FAM13A: variants seen among roughly 807,000 people sequenced by gnomAD.
The protein encoded by FAM13A is family with sequence similarity 13 member A, also known as protein FAM13A.
FAM13A carries 76 observed loss-of-function variants against 129.6 expected under a neutral mutation model. The observed-to-expected ratio is 0.59, with a 90% CI of 0.49 to 0.71. The LOEUF (loss-of-function observed/expected upper bound fraction) is 0.71, where lower values mean the gene tolerates loss of function less well. Ranked by LOEUF, FAM13A falls within the 30% of genes least tolerant of loss-of-function variation. FAM13A has a pLI of 0.00. For missense variants in FAM13A, 1,108 were observed against 1,249.3 expected, an observed-to-expected ratio of 0.89 and a Z score of 1.70; for synonymous variants, 443 against 449.9, an observed-to-expected ratio of 0.98 and a Z score of 0.20.
intron 8 of FAM13A, among the ~76,000 whole-genome samples, chr4:88,792,698 G>A (rs1363449649): frequency 6.6e-6 from 1 of 152,020 alleles, no homozygotes; most frequent in African/African-American, 2.4e-5. Flanking sequence ...AGTAAAGAAT[G>A]TGGATCTGCT....
chr4:88,941,950 T>C (rs1021329175), intron 4 of FAM13A, among the ~76,000 whole-genome samples: 1 of 152,112 alleles, frequency 6.6e-6, no homozygotes, highest in African/African-American at 2.4e-5. Flanking sequence ...TTTCTTCTTT[T>C]CTTGTGTGCT....
At chr4:88,984,072 T>C (rs542496706) in intron 4 of FAM13A, among the ~76,000 whole-genome samples, 1 of 152,272 alleles carries the variant, frequency 6.6e-6, no homozygotes, top group East Asian at 1.9e-4. Flanking sequence ...CTTCAACAAA[T>C]GATGCTGGGA....
chr4:88,916,108 C>T (rs1017173502), intron 5 of FAM13A, among the ~76,000 whole-genome samples: 3 of 151,746 alleles, frequency 2.0e-5, no homozygotes, highest in Admixed American at 2.0e-4. Flanking sequence ...TATGTGATGC[C>T]CTGTACCACC....
rs144141989 is a variant in FAM13A at position 88,863,010 on chromosome 4, A to ATATACATATATATATATATG, written c.844-11828_844-11827insCATATATATATATATGTATA. 3.1e-4 allele frequency among the ~76,000 whole-genome samples: 47 copies of ATATACATATATATATATATG among 150,742 alleles called. No homozygotes were observed. In the South Asian group the frequency reaches 4.2e-3, roughly 13 times the overall value. Reference sequence around the variant, plus strand: ...AAAGATGGGTGTGACAAATATATACATATATATTTGGTCTTAGTCCCTGGT... The same window carrying ATATACATATATATATATATG: ...AAAGATGGGTGTGACAAATATATACATATACATATATATATATATGTATATATTTGGTCTTAGTCCCTGGT... On this transcript the variant is annotated intron_variant, in intron 6 of 23. Coordinates refer to ENST00000264344, the MANE Select transcript of FAM13A (RefSeq NM_014883.4).
chr4:88,974,777 G>T (rs778652480), intron 4 of FAM13A, among the ~76,000 whole-genome samples: 2 of 152,196 alleles, frequency 1.3e-5, no homozygotes, highest in Non-Finnish European at 2.9e-5. Flanking sequence ...AAGAGATGAA[G>T]AGAGCTTGGG....
At chr4:88,863,492 G>A (rs1395586690) in intron 6 of FAM13A, among the ~76,000 whole-genome samples, 3 of 152,174 alleles carry the variant, frequency 2.0e-5, no homozygotes, top group African/African-American at 7.2e-5. Context: ...TAAGTTCTGT[G>A]AACTGTTCTA....
intron 6 of FAM13A, among the ~76,000 whole-genome samples, chr4:88,868,102 A>C (rs1453011412): frequency 1.3e-5 from 2 of 152,196 alleles, no homozygotes; most frequent in Non-Finnish European, 2.9e-5. Flanking sequence ...ATCTGCAGGC[A>C]GTTTTTCATT....
intron 5 of FAM13A, among the ~76,000 whole-genome samples, chr4:88,909,074 G>C (rs185121732): frequency 6.6e-6 from 1 of 152,210 alleles, no homozygotes; most frequent in Non-Finnish European, 1.5e-5. Context: ...TCTTTATAAA[G>C]CCATTTATAT....
At chr4:88,783,608 A>C (rs1723393861) in intron 10 of FAM13A, among the ~76,000 whole-genome samples, 1 of 152,170 alleles carries the variant, frequency 6.6e-6, no homozygotes, top group Non-Finnish European at 1.5e-5. Context: ...TAAATGGAGG[A>C]TCTTTAATGC....
intron 4 of FAM13A, among the ~76,000 whole-genome samples, chr4:88,974,927 A>G (rs1317735509): frequency 6.6e-6 from 1 of 152,130 alleles, no homozygotes; most frequent in Admixed American, 6.5e-5. Context: ...ACTTATCACA[A>G]CTGTAATTCA....
At chr4:88,803,688 G>C (rs1727996965) in intron 8 of FAM13A, among the ~76,000 whole-genome samples, 1 of 152,162 alleles carries the variant, frequency 6.6e-6, no homozygotes. Context: ...CAGGAAACCA[G>C]GATGAAAAAA....
chr4:88,956,867 A>AAAT (rs1388157812), intron 4 of FAM13A, among the ~76,000 whole-genome samples: 14 of 152,118 alleles, frequency 9.2e-5, no homozygotes, highest in African/African-American at 3.4e-4. Flanking sequence ...TACAGTTTGG[A>AAAT]TTGTCCCCGC....
At chr4:89,007,702 C>G (rs1178096904) in intron 3 of FAM13A, among the ~76,000 whole-genome samples, 1 of 152,206 alleles carries the variant, frequency 6.6e-6, no homozygotes, top group African/African-American at 2.4e-5. Flanking sequence ...CTTGGCCATA[C>G]TAATGCAGAG....
intron 5 of FAM13A, among the ~76,000 whole-genome samples, chr4:88,916,543 G>A (rs1750146500): frequency 6.6e-6 from 1 of 152,148 alleles, no homozygotes; most frequent in Non-Finnish European, 1.5e-5. Context: ...TCATTTAACA[G>A]TCTTGACTTA....
Position 89,020,679 on chromosome 4 carries a change from C to G in FAM13A, c.218-10G>C. On this transcript the variant is annotated splice_polypyrimidine_tract_variant and intron_variant, in intron 2 of 23. Transcript: ENST00000264344. ...CCTTCTTGGGTAAGTCCTGGAAGAG[C>G]AAAGTAGGCACAGAAAATAAATAGG... The G allele has an allele frequency of 6.3e-7, 1 of 1,586,942 alleles. No individual in the cohort carries two copies. The highest frequency in any genetic ancestry group is 8.7e-7 in the Non-Finnish European group (1 of 1,155,268).
rs1458845965 is a variant in FAM13A at position 88,732,046 on chromosome 4, T to C, written c.2799A>G (p.Lys933=). 1.5e-5 allele frequency: 24 copies of C among 1,613,956 alleles called. No homozygotes were observed. The highest frequency in any genetic ancestry group is 2.0e-5 in the Non-Finnish European group (24 of 1,179,904). Residue 933 remains lysine, a synonymous_variant, in exon 22 of 24, where the codon AAA becomes AAG. Coordinates refer to ENST00000264344, the MANE Select transcript of FAM13A (RefSeq NM_014883.4). ...ISPMDDKIPS[K]CSQDTGLSNL... ...TTGAAAGCCCTGTGTCCTGGCTGCA[T>C]TTTGATGGTATTTTATCATCCATTG...
At chr4:88,747,559 G>A (rs920222765) in intron 18 of FAM13A, 72 bp downstream of exon 18, 48 of 1,230,718 alleles carry the variant, frequency 3.9e-5, no homozygotes, top group Middle Eastern at 4.7e-4. Context: ...TGGGATTCAC[G>A]TGGCATGCCC....
At chr4:89,026,218 G>A (rs1345713144) in intron 2 of FAM13A, among the ~76,000 whole-genome samples, 1 of 152,192 alleles carries the variant, frequency 6.6e-6, no homozygotes, top group East Asian at 1.9e-4. Flanking sequence ...AACCAAGTAT[G>A]TAAATAAATC....
At chr4:88,901,490 C>G (rs1018633138) in intron 6 of FAM13A, among the ~76,000 whole-genome samples, 9 of 152,196 alleles carry the variant, frequency 5.9e-5, no homozygotes, top group African/African-American at 2.2e-4. Flanking sequence ...GAAATTCACT[C>G]AAAACCACAC....
Sources: gnomAD v4.1 joint callset for allele counts (sites outside exome capture counted in the v4.1 genomes callset) on GRCh38, gnomAD v4.1.1 for gene constraint, MANE v1.5 for transcripts, NCBI Gene and HGNC (gene_info 2026-07-23, HGNC 2026-07-21) for gene names.